The following CCNJL variants were observed in gnomAD, a reference collection of about 807,000 sequenced individuals.
CCNJL encodes cyclin J like.
Under a neutral mutation model 33.4 loss-of-function variants are expected in CCNJL, and 33 were observed. That is an observed-to-expected ratio of 0.99 (90% CI 0.75 to 1.32). The LOEUF (loss-of-function observed/expected upper bound fraction) is 1.32, where lower values mean the gene tolerates loss of function less well. Ranked by LOEUF, CCNJL falls within the 40% of genes most tolerant of loss-of-function variation. The pLI is 0.00. For synonymous variants in CCNJL, 227 were observed against 220.9 expected (o/e 1.03, Z -0.24); for missense variants, 512 against 499.7 (o/e 1.02, Z -0.23).
chr5:160,272,665 G>A (rs899546178), intron 3 of CCNJL, among the ~76,000 whole-genome samples: 2 of 152,198 alleles, frequency 1.3e-5, no homozygotes, highest in Admixed American at 6.5e-5. Context: ...GCTCACCACT[G>A]TACCACCAAT....
intron 1 of CCNJL, among the ~76,000 whole-genome samples, chr5:160,335,916 C>T (rs543915132): frequency 4.6e-5 from 7 of 152,198 alleles, no homozygotes; most frequent in African/African-American, 1.7e-4. Flanking sequence ...CTTTGGTTTC[C>T]AGCATCACAG....
At chr5:160,263,043 T>G (rs914719507) in intron 3 of CCNJL, among the ~76,000 whole-genome samples, 1 of 152,236 alleles carries the variant, frequency 6.6e-6, no homozygotes, top group African/African-American at 2.4e-5. Context: ...TGATGCACTT[T>G]TGATTTCGAA....
In CCNJL at chr5:160,283,000, T is replaced by TATATATATATAC. The variant is rs1554120765; in HGVS notation, c.67-2263_67-2262insGTATATATATAT. On this transcript the variant is annotated intron_variant, in intron 2 of 5. Coordinates refer to ENST00000257536, the MANE Select transcript of CCNJL (RefSeq NM_001308173.3). ...ATATATATATATATATATATATATA[T>TATATATATATAC]ATATATATACATATATATATATATA... 7.1e-5 allele frequency among the ~76,000 whole-genome samples: 4 copies of TATATATATATAC among 56,488 alleles called. No homozygotes were observed. The East Asian group carries it at 3.0e-3, about 42-fold the overall frequency. 37.1% of individuals were successfully genotyped at this position (56,488 alleles called of 152,430 possible).
chr5:160,314,577 G>A (rs1763356801), upstream of CCNJL, among the ~76,000 whole-genome samples: 3 of 152,308 alleles, frequency 2.0e-5, no homozygotes, highest in South Asian at 2.1e-4. Flanking sequence ...CAAAGGCAAG[G>A]TGAGTAGACA....
chr5:160,257,865 A>G (rs1406504120), intron 4 of CCNJL, among the ~76,000 whole-genome samples: 1 of 145,712 alleles, frequency 6.9e-6, no homozygotes, highest in Non-Finnish European at 1.5e-5. Flanking sequence ...TTTTTTTTTT[A>G]GATGGAGTCT....
At chr5:160,276,726 C>T (rs530323497) in intron 3 of CCNJL, among the ~76,000 whole-genome samples, 19 of 152,192 alleles carry the variant, frequency 1.2e-4, no homozygotes, top group African/African-American at 4.1e-4. Context: ...ACCACTCAAC[C>T]GTACACTTGA....
At chr5:160,312,868 C>T (rs1186253747), upstream of CCNJL, 1 of 152,142 alleles carries the variant, frequency 6.6e-6, no homozygotes, top group Admixed American at 6.5e-5. Context: ...CCAGAAAGTT[C>T]TGCCTTCCGC....
rs2113206199 is a variant in CCNJL, at chr5:160,254,986, A to C, written c.743+563T>G. 2 of 152,348 alleles carry C rather than the reference A, an allele frequency of 1.3e-5. 1 individual carries two copies. Among genetic ancestry groups the C allele is most frequent in the South Asian group, 4.1e-4 (2 of 4,828 alleles). 9.4% of individuals were successfully genotyped at this position (152,348 alleles called of 1,614,324 possible). A position where few individuals can be genotyped will look rare whatever the true frequency, so the allele number is the denominator to read the frequency against. On this transcript the variant is annotated intron_variant, in intron 5 of 5. Coordinates refer to ENST00000257536, the MANE Select transcript of CCNJL (RefSeq NM_001308173.3). Reference sequence around the variant, plus strand: ...AAATAGCCTAGACATTTAAAGGTGCAAACAGCCCGCTTCTCCCTTGCTGCC... The same window carrying C: ...AAATAGCCTAGACATTTAAAGGTGCCAACAGCCCGCTTCTCCCTTGCTGCC...
At chr5:160,329,530 T>C (rs1368240923) in intron 1 of CCNJL, among the ~76,000 whole-genome samples, 1 of 152,058 alleles carries the variant, frequency 6.6e-6, no homozygotes, top group Non-Finnish European at 1.5e-5. Context: ...TTTGTATTTT[T>C]AGTAGAGATG....
chr5:160,277,146 A>C (rs374319463), intron 3 of CCNJL, among the ~76,000 whole-genome samples: 167 of 152,300 alleles, frequency 1.1e-3, no homozygotes, highest in African/African-American at 3.5e-3. Context: ...AAAACCCACA[A>C]ACACAACCCC....
At chr5:160,275,384 C>A (rs919280381) in intron 3 of CCNJL, among the ~76,000 whole-genome samples, 1 of 152,182 alleles carries the variant, frequency 6.6e-6, no homozygotes, top group South Asian at 2.1e-4. Flanking sequence ...CCGTGCCCGG[C>A]TGAGGTCTGG....
intron 2 of CCNJL, among the ~76,000 whole-genome samples, chr5:160,304,067 G>A (rs1763014672): frequency 6.6e-6 from 1 of 152,216 alleles, no homozygotes. Flanking sequence ...GGTGGCAGGT[G>A]GGGCAGGGAT....
intron 2 of CCNJL, 105 bp downstream of exon 2, chr5:160,311,753 A>C: frequency 3.0e-5 from 30 of 996,952 alleles, no homozygotes; most frequent in Non-Finnish European, 3.9e-5. Context: ...AAAAAAAGGC[A>C]CCCGGGAGTT....
In CCNJL at chr5:160,252,629, C is replaced by T. The variant is rs4921270; in HGVS notation, c.*749G>A. 16,844 of 152,614 alleles carry T rather than the reference C, an allele frequency of 0.11. 1,019 individuals carry two copies. Among genetic ancestry groups the T allele is most frequent in the Middle Eastern group, 0.25 (74 of 294 alleles). 9.5% of individuals were successfully genotyped at this position (152,614 alleles called of 1,614,324 possible). On this transcript the variant is annotated 3_prime_UTR_variant, in exon 6 of 6. Transcript: ENST00000257536. The stretch of plus-strand genomic sequence containing the variant: ...ACAAGTTGGGTTCAAACTTGGGTTC[C>T]AAATTAACAGCCCTCATGTGGGACA...
chr5:160,282,937 T>C (rs903037715), intron 2 of CCNJL, among the ~76,000 whole-genome samples: 1 of 131,834 alleles, frequency 7.6e-6, no homozygotes, highest in Non-Finnish European at 1.6e-5. Flanking sequence ...CGTAGGGTTC[T>C]TAAGTGACCC....
chr5:160,264,401 C>A (rs1224851478), intron 3 of CCNJL, among the ~76,000 whole-genome samples: 1 of 152,058 alleles, frequency 6.6e-6, no homozygotes, highest in Non-Finnish European at 1.5e-5. Flanking sequence ...TCCCTAACAC[C>A]ATTTCCTGAG....
intron 3 of CCNJL, among the ~76,000 whole-genome samples, chr5:160,270,911 C>T (rs563774831): frequency 6.6e-6 from 1 of 152,274 alleles, no homozygotes; most frequent in South Asian, 2.1e-4. Context: ...CGGCATGAAC[C>T]TGTTTTACAA....
intron 2 of CCNJL, among the ~76,000 whole-genome samples, chr5:160,296,885 T>G (rs1580999267): frequency 6.6e-6 from 1 of 152,134 alleles, no homozygotes; most frequent in Admixed American, 6.5e-5. Context: ...GGACCTGTCT[T>G]TGGTATAGCG....
intron 1 of CCNJL, among the ~76,000 whole-genome samples, chr5:160,334,369 C>T (rs1400704536): frequency 7.2e-5 from 11 of 152,198 alleles, no homozygotes; most frequent in African/African-American, 2.4e-4. Context: ...TCAGCACCTG[C>T]GCAACCAGAG....
Sources: allele counts gnomAD v4.1 joint callset (sites outside exome capture counted in the v4.1 genomes callset), GRCh38; gene constraint gnomAD v4.1.1; transcripts MANE v1.5; gene names NCBI Gene and HGNC (gene_info 2026-07-23, HGNC 2026-07-21).